The following HMGCL variants were observed in gnomAD, a reference collection of about 807,000 sequenced individuals.
HMGCL encodes the protein 3-hydroxy-3-methylglutaryl-CoA lyase, also known as hydroxymethylglutaryl-CoA lyase, mitochondrial.
In HMGCL, 26 loss-of-function variants were observed where a neutral mutation model predicts 37.3. The ratio of observed to expected loss-of-function variants is 0.70; its 90% CI spans 0.51 to 0.97. The LOEUF is 0.97. Among genes scored for constraint, HMGCL ranks in the 50% least tolerant of loss-of-function variants. HMGCL has a pLI of 0.00. For missense variants in HMGCL, 379 were observed against 398.1 expected (o/e 0.95, Z 0.41); for synonymous variants, 151 against 148.0 (o/e 1.02, Z -0.15).
At chr1:23,814,407 G>T in intron 4 of HMGCL, 69 bp from the exon 5 acceptor site, 1 of 1,577,148 alleles carries the variant, frequency 6.3e-7, no homozygotes, top group Non-Finnish European at 8.6e-7. Flanking sequence ...GTCTTGCTTT[G>T]TTGCCCAGGC....
In HMGCL at chr1:23,810,805, G is replaced by C. The variant is rs756035277; in HGVS notation, c.498-6C>G. 10 of 1,612,524 alleles carry C rather than the reference G, an allele frequency of 6.2e-6. No homozygotes were observed. Among genetic ancestry groups the C allele is most frequent in the Non-Finnish European group, 8.5e-6 (10 of 1,178,590 alleles). ...CAAGAGCACAGGAGACGTACCTGTG[G>C]GAAGACAGGGGAGGAATGAGGTCAG... On this transcript the variant is annotated splice_region_variant and splice_polypyrimidine_tract_variant and intron_variant, in intron 5 of 8. Coordinates refer to ENST00000374490, the MANE Select transcript of HMGCL (RefSeq NM_000191.3).
At chr1:23,805,994 T>C (rs1234045671) in intron 7 of HMGCL, among the ~76,000 whole-genome samples, 1 of 151,382 alleles carries the variant, frequency 6.6e-6, no homozygotes, top group East Asian at 1.9e-4. Context: ...TAGGCTGGAG[T>C]GCACTGGCGC....
In HMGCL at chr1:23,810,744, C is replaced by T; in HGVS notation, c.553G>A (p.Val185Ile). Residue 185 changes from valine to isoleucine, a missense_variant, in exon 6 of 9, where the codon GTA becomes ATA. Transcript: ENST00000374490. ...CTGACACATGCACACACCTCAGCTACTTTAGCTGGGGAGATCTTCCCTTCA... is the reference window on the plus strand; with the variant it reads ...CTGACACATGCACACACCTCAGCTATTTTAGCTGGGGAGATCTTCCCTTCA... ...PYEGKISPAK[V>I]AEVTKKFYSM... The T allele has an allele frequency of 6.2e-7, 1 of 1,613,928 alleles. No homozygotes were observed. Among genetic ancestry groups the T allele is most frequent in the Non-Finnish European group, 8.5e-7 (1 of 1,179,822 alleles).
chr1:23,813,230 T>G (rs1300419341), intron 5 of HMGCL, among the ~76,000 whole-genome samples: 1 of 140,424 alleles, frequency 7.1e-6, no homozygotes, highest in Non-Finnish European at 1.6e-5. Context: ...CTGCAATGTT[T>G]TTTTTTTTTT....
intron 2 of HMGCL, among the ~76,000 whole-genome samples, chr1:23,818,319 C>T (rs916297267): frequency 2.0e-5 from 3 of 151,994 alleles, no homozygotes; most frequent in Non-Finnish European, 4.4e-5. Context: ...ATTAGCCAGG[C>T]GTGGTGGCAC....
intron 8 of HMGCL, chr1:23,804,102 C>G (rs1638354638): frequency 2.4e-6 from 1 of 408,798 alleles, no homozygotes; most frequent in South Asian, 2.5e-5. Context: ...TCCCCAACAC[C>G]CTTCCCCTCT....
In HMGCL at chr1:23,802,070, G is replaced by A; in HGVS notation, c.*393C>T. ...GTGTCCTGAGAAGTCAGAGAGCAAG[G>A]GCCCCACGGCCATGGCAGGGTGGAG... On this transcript the variant is annotated 3_prime_UTR_variant, in exon 9 of 9. Coordinates refer to ENST00000374490, the MANE Select transcript of HMGCL (RefSeq NM_000191.3). The A allele has an allele frequency of 2.5e-5, 12 of 482,912 alleles. No individual in the cohort carries two copies. The South Asian group carries it at 4.9e-4, about 20-fold the overall frequency. 29.9% of individuals were successfully genotyped at this position (482,912 alleles called of 1,614,324 possible).
At chr1:23,813,231 T>G (rs1216516200) in intron 5 of HMGCL, among the ~76,000 whole-genome samples, 2 of 141,800 alleles carry the variant, frequency 1.4e-5, no homozygotes, top group African/African-American at 2.6e-5. Flanking sequence ...TGCAATGTTT[T>G]TTTTTTTTTT....
At chr1:23,805,084 A>T (rs80207424) in intron 7 of HMGCL, among the ~76,000 whole-genome samples, 9 of 152,182 alleles carry the variant, frequency 5.9e-5, no homozygotes, top group Non-Finnish European at 1.3e-4. Context: ...GATGCAATCA[A>T]GAGATGTCTC....
chr1:23,808,769 G>T (rs1638461516), intron 6 of HMGCL, among the ~76,000 whole-genome samples: 5 of 140,194 alleles, frequency 3.6e-5, no homozygotes, highest in Middle Eastern at 3.8e-3. Flanking sequence ...TTTGAGACCG[G>T]GTCTCACTCT....
chr1:23,821,658 C>CA lies in HMGCL; in HGVS notation c.61-1066dup, dbSNP rs146953960. On this transcript the variant is annotated intron_variant, in intron 1 of 8. Transcript: ENST00000374490. ...TGGGCAACAGAGCGAGACCCTGTCTCAAAAAAAAAAATTAAATGACTCTAT... is the reference window on the plus strand; with the variant it reads ...TGGGCAACAGAGCGAGACCCTGTCTCAAAAAAAAAAAATTAAATGACTCTAT... Among the ~76,000 whole-genome samples the CA allele has an allele frequency of 8.5e-3, 1,228 of 143,894 alleles. 18 individuals are homozygous for CA. Among genetic ancestry groups the CA allele is most frequent in the African/African-American group, 0.027 (1,055 of 39,486 alleles). 94.4% of individuals were successfully genotyped at this position (143,894 alleles called of 152,430 possible). A position where few individuals can be genotyped will look rare whatever the true frequency, so the allele number is the denominator to read the frequency against.
intron 2 of HMGCL, among the ~76,000 whole-genome samples, chr1:23,818,645 G>A (rs879703171): frequency 2.2e-4 from 34 of 151,832 alleles, no homozygotes; most frequent in Non-Finnish European, 3.8e-4. Flanking sequence ...TCCGCCTTCC[G>A]GGTTCAAGCG....
chr1:23,803,032 T>A (rs1311301918), intron 8 of HMGCL, among the ~76,000 whole-genome samples: 1 of 152,146 alleles, frequency 6.6e-6, no homozygotes, highest in South Asian at 2.1e-4. Context: ...TCTACATAAC[T>A]TTTCTTTCTT....
chr1:23,808,611 C>T (rs1299089198), intron 6 of HMGCL, among the ~76,000 whole-genome samples: 1 of 152,166 alleles, frequency 6.6e-6, no homozygotes, highest in Non-Finnish European at 1.5e-5. Context: ...TTCAGTCTCA[C>T]TTACGGCTGT....
At chr1:23,809,198 A>C (rs1468873700) in intron 6 of HMGCL, 1 of 136,936 alleles carries the variant, frequency 7.3e-6, no homozygotes, top group Non-Finnish European at 1.5e-5. Flanking sequence ...GAGCCACCAT[A>C]CCCGGCCAAT....
chr1:23,816,430 T>C, intron 4 of HMGCL: 1 of 564,208 alleles, frequency 1.8e-6, no homozygotes, highest in East Asian at 3.1e-5. Context: ...GCAATGTACA[T>C]GCATCCTATC....
In HMGCL at chr1:23,816,904, T is replaced by G. The variant is rs991517917; in HGVS notation, c.253-134A>C. The G allele has an allele frequency of 1.5e-5, 11 of 720,456 alleles. No individual in the cohort carries two copies. In the African/African-American group the frequency reaches 1.9e-4, roughly 12 times the overall value. 44.6% of individuals were successfully genotyped at this position (720,456 alleles called of 1,614,324 possible). Reference sequence around the variant, plus strand: ...GTAATTCCTTCTGCAGAGCTGAGTCTCTCCAATACTTTTACTGTTTGTTTG... The same window carrying G: ...GTAATTCCTTCTGCAGAGCTGAGTCGCTCCAATACTTTTACTGTTTGTTTG... On this transcript the variant is annotated intron_variant, in intron 3 of 8. Transcript: ENST00000374490.
At position 23,804,463 on chromosome 1, in the gene HMGCL, C is replaced by T; in HGVS notation, c.813G>A (p.Gly271=). ...AGLGGCPYAQ[G]ASGNLATEDL... The stretch of plus-strand genomic sequence containing the variant: ...CTTCTGTGGCCAAGTTTCCTGATGC[C>T]CCCTGTGCGTAGGGACAGCCTCCAA... Residue 271 remains glycine, a synonymous_variant, in exon 8 of 9, where the codon GGG becomes GGA. Coordinates refer to ENST00000374490, the MANE Select transcript of HMGCL (RefSeq NM_000191.3). The T allele has an allele frequency of 6.2e-7, 1 of 1,614,126 alleles. No homozygotes were observed. Among genetic ancestry groups the T allele is most frequent in the Non-Finnish European group, 8.5e-7 (1 of 1,179,990 alleles).
At position 23,806,399 on chromosome 1, in the gene HMGCL, C is replaced by T. The variant is rs1638410666; in HGVS notation, c.750+1736G>A. Reference sequence around the variant, plus strand: ...TTCCTCTAACCCTGACATCTCTGCCCCCCTCTCCTCAGTCACACTGCTCCC... The same window carrying T: ...TTCCTCTAACCCTGACATCTCTGCCTCCCTCTCCTCAGTCACACTGCTCCC... On this transcript the variant is annotated intron_variant, in intron 7 of 8. Transcript: ENST00000374490. This position sits in a 1 kb window ranked among gnomAD's most constrained non-coding sequence, Gnocchi z 4.0. 6.6e-6 allele frequency among the ~76,000 whole-genome samples: 1 copy of T among 152,170 alleles called. No homozygotes were observed. The highest frequency in any genetic ancestry group is 2.4e-5 in the African/African-American group (1 of 41,424).
Sources: allele counts gnomAD v4.1 joint callset (sites outside exome capture counted in the v4.1 genomes callset), GRCh38; gene constraint gnomAD v4.1.1; non-coding constraint Gnocchi (gnomAD v3.1); transcripts MANE v1.5; gene names NCBI Gene and HGNC (gene_info 2026-07-23, HGNC 2026-07-21).